Variants in STPG2 observed in about 807,000 individuals in gnomAD.
STPG2 encodes sperm-tail PG-rich repeat-containing protein 2.
STPG2 carries 56 observed loss-of-function variants against 54.2 expected under a neutral mutation model. The observed-to-expected ratio is 1.03, with a 90% CI of 0.83 to 1.29. STPG2 has a LOEUF of 1.29. Ranked by LOEUF, STPG2 falls within the 50% of genes most tolerant of loss-of-function variation. STPG2 has a pLI of 0.00. For missense variants in STPG2, 596 were observed against 544.9 expected, an observed-to-expected ratio of 1.09 and a Z score of -0.93; for synonymous variants, 200 against 181.8, an observed-to-expected ratio of 1.10 and a Z score of -0.81.
chr4:97,795,132 C>A (rs1334622853), intron 9 of STPG2, among the ~76,000 whole-genome samples: 2 of 151,948 alleles, frequency 1.3e-5, no homozygotes, highest in Non-Finnish European at 2.9e-5. Context: ...ATTATATTTC[C>A]TAGGTTTGAA....
At chr4:97,975,051 A>T (rs535288497) in intron 6 of STPG2, among the ~76,000 whole-genome samples, 1 of 152,350 alleles carries the variant, frequency 6.6e-6, no homozygotes, top group Admixed American at 6.5e-5. Context: ...CAAAAGCTTG[A>T]ATAATGTATA....
intron 8 of STPG2, among the ~76,000 whole-genome samples, chr4:97,870,583 G>A (rs1368807311): frequency 6.6e-6 from 1 of 151,218 alleles, no homozygotes; most frequent in Non-Finnish European, 1.5e-5. Flanking sequence ...TTGTAATGAA[G>A]AACATTTTCT....
intron 4 of STPG2, among the ~76,000 whole-genome samples, chr4:97,461,830 G>T (rs527659441): frequency 5.5e-4 from 84 of 151,470 alleles, no homozygotes; most frequent in Middle Eastern, 3.4e-3. Context: ...TCTATTTTTA[G>T]AACTTCATTT....
chr4:97,724,536 A>T (rs1578509185), intron 9 of STPG2, among the ~76,000 whole-genome samples: 1 of 152,266 alleles, frequency 6.6e-6, no homozygotes, highest in East Asian at 1.9e-4. Context: ...GGTATTGAGA[A>T]CTGTTACTGG....
At chr4:97,852,004 T>A (rs1355858836) in intron 8 of STPG2, among the ~76,000 whole-genome samples, 1 of 152,172 alleles carries the variant, frequency 6.6e-6, no homozygotes, top group East Asian at 1.9e-4. Flanking sequence ...CTACTTTTAG[T>A]CTAAAAGTTA....
intron 9 of STPG2, among the ~76,000 whole-genome samples, chr4:97,758,312 C>T (rs1275409061): frequency 6.6e-6 from 1 of 152,098 alleles, no homozygotes; most frequent in Non-Finnish European, 1.5e-5. Context: ...ACTATAAAGA[C>T]ACATGCACAT....
intron 8 of STPG2, among the ~76,000 whole-genome samples, chr4:97,898,609 C>G (rs1032569917): frequency 2.2e-4 from 33 of 151,700 alleles, no homozygotes; most frequent in Non-Finnish European, 3.2e-4. Flanking sequence ...CAGTAACCAT[C>G]ATCTAGCCCT....
At chr4:97,492,475 T>A (rs1730522776) in intron 4 of STPG2, among the ~76,000 whole-genome samples, 2 of 151,654 alleles carry the variant, frequency 1.3e-5, no homozygotes, top group East Asian at 1.9e-4. Context: ...CATGCAAGTT[T>A]AATTTTTCCT....
At chr4:97,479,755 T>C (rs2148820088) in intron 4 of STPG2, among the ~76,000 whole-genome samples, 2 of 152,016 alleles carry the variant, frequency 1.3e-5, no homozygotes, top group South Asian at 4.1e-4. Context: ...ATTTACTCTC[T>C]TTTATTCAAC....
Position 97,694,636 on chromosome 4 carries a change from G to A in STPG2, c.1320+18063C>T, listed in dbSNP as rs192449693. The stretch of plus-strand genomic sequence containing the variant: ...ATCCTAGTTAACACGGTGAAACCCC[G>A]TCTCTATTAAAAAAAAAATACAAAA... On this transcript the variant is annotated intron_variant, in intron 10 of 10. Transcript: ENST00000295268. 4.6e-5 allele frequency among the ~76,000 whole-genome samples: 7 copies of A among 150,816 alleles called. No individual in the cohort carries two copies. The East Asian group carries it at 7.8e-4, about 17-fold the overall frequency.
intron 1 of STPG2, among the ~76,000 whole-genome samples, chr4:98,135,504 C>T (rs1740111972): frequency 6.6e-6 from 1 of 151,688 alleles, no homozygotes. Flanking sequence ...GGAAAAACAT[C>T]TCTAATGCCA....
At chr4:97,827,086 T>G (rs2149108891) in intron 9 of STPG2, among the ~76,000 whole-genome samples, 1 of 152,318 alleles carries the variant, frequency 6.6e-6, no homozygotes, top group Admixed American at 6.5e-5. Flanking sequence ...CAGGCACAGC[T>G]GAAATGTTCC....
chr4:97,576,268 T>C (rs934174142), intron 10 of STPG2, among the ~76,000 whole-genome samples: 6 of 142,388 alleles, frequency 4.2e-5, no homozygotes, highest in African/African-American at 1.6e-4. Context: ...ACTATACTAA[T>C]ATATATGGAA....
At chr4:97,590,653 A>ACG (rs1733122036) in intron 10 of STPG2, among the ~76,000 whole-genome samples, 1 of 151,048 alleles carries the variant, frequency 6.6e-6, no homozygotes, top group African/African-American at 2.4e-5. Flanking sequence ...ACACACACAC[A>ACG]CACACACACA....
chr4:97,844,848 A>G (rs979914357), intron 8 of STPG2, among the ~76,000 whole-genome samples: 5 of 151,760 alleles, frequency 3.3e-5, no homozygotes, highest in African/African-American at 7.3e-5. Flanking sequence ...GTCTCAAACT[A>G]CTCGTATTGT....
intron 10 of STPG2, among the ~76,000 whole-genome samples, chr4:97,634,883 T>A (rs1362968202): frequency 6.6e-6 from 1 of 151,724 alleles, no homozygotes; most frequent in Non-Finnish European, 1.5e-5. Context: ...CTGAAAGTGA[T>A]GGGGAGAATG....
chr4:97,902,597 A>T (rs530204806), intron 8 of STPG2, among the ~76,000 whole-genome samples: 1 of 152,280 alleles, frequency 6.6e-6, no homozygotes, highest in East Asian at 1.9e-4. Context: ...ACAAGGAGAT[A>T]CCACTTCACA....
At position 97,981,307 on chromosome 4, in the gene STPG2, A is replaced by C; in HGVS notation, c.624T>G (p.Pro208=). ...VLQEKKKRFL[P]MKSITPAPGT... ...CAGGAGCCGGGGTGATTGATTTCAT[A>C]GGTAAAAATCTCTAGTGAAGAACAG... Residue 208 remains proline, a synonymous_variant, in exon 6 of 11, where the codon CCT becomes CCG. Transcript: ENST00000295268. The C allele has an allele frequency of 6.2e-7, 1 of 1,613,906 alleles. No homozygotes were observed. The highest frequency in any genetic ancestry group is 8.5e-7 in the Non-Finnish European group (1 of 1,179,902).
At chr4:97,801,129 C>T (rs1176250640) in intron 9 of STPG2, among the ~76,000 whole-genome samples, 1 of 152,210 alleles carries the variant, frequency 6.6e-6, no homozygotes, top group African/African-American at 2.4e-5. Flanking sequence ...CTTGTGCTTC[C>T]CGGGTGAGGC....
Sources: gnomAD v4.1 joint callset for allele counts (sites outside exome capture counted in the v4.1 genomes callset) on GRCh38, gnomAD v4.1.1 for gene constraint, MANE v1.5 for transcripts, NCBI Gene and HGNC (gene_info 2026-07-23, HGNC 2026-07-21) for gene names.